Variants in VPS13B observed in about 807,000 individuals in gnomAD.
VPS13B encodes the protein vacuolar protein sorting 13 homolog B.
A neutral mutation model predicts 426.4 loss-of-function variants in VPS13B; 285 were observed. The ratio of observed to expected loss-of-function variants is 0.67; its 90% CI spans 0.61 to 0.74. VPS13B has a LOEUF of 0.74. Ranked by LOEUF, VPS13B falls within the 30% of genes least tolerant of loss-of-function variation. VPS13B has a pLI of 0.00. For missense variants in VPS13B, 4,537 were observed against 4,782.6 expected (o/e 0.95, Z 1.51); for synonymous variants, 1,676 against 1,676.4 (o/e 1.00, Z 0.01).
chr8:99,560,750 A>G (rs1249952151), intron 31 of VPS13B, among the ~76,000 whole-genome samples: 1 of 152,200 alleles, frequency 6.6e-6, no homozygotes, highest in Non-Finnish European at 1.5e-5. Flanking sequence ...AGCATCAACT[A>G]CACTAATCAT....
intron 40 of VPS13B, among the ~76,000 whole-genome samples, chr8:99,773,197 AC>A (rs1811596232): frequency 1.3e-5 from 2 of 152,184 alleles, no homozygotes; most frequent in Non-Finnish European, 2.9e-5. Flanking sequence ...AAATACAGAG[AC>A]TTAGCCAGGT....
rs780214074 is a variant in VPS13B, at chr8:99,192,961, C to G, written c.2419C>G (p.Leu807Val). Reference sequence around the variant, plus strand: ...TCAAGCTACAAGAGCACAGACACTTCTCTTGCAAGCAATATATCAAAGTTG... The same window carrying G: ...TCAAGCTACAAGAGCACAGACACTTGTCTTGCAAGCAATATATCAAAGTTG... ...TIQATRAQTL[L>V]LQAIYQSWSH... is the part of the protein sequence containing the mutation. The change falls in exon 17 of 62, where the codon CTC (leucine) becomes GTC (valine). Residue 807 changes from leucine to valine, a missense_variant. Leu to Val is a conservative substitution (Grantham distance 32). Coordinates refer to ENST00000357162, the MANE Select transcript of VPS13B (RefSeq NM_152564.5). 11 of 1,613,718 alleles carry G rather than the reference C, an allele frequency of 6.8e-6. No homozygotes were observed. The highest frequency in any genetic ancestry group is 6.8e-6 in the Non-Finnish European group (8 of 1,179,818).
At chr8:99,802,363 T>C (rs1040954381) in intron 43 of VPS13B, among the ~76,000 whole-genome samples, 1 of 152,176 alleles carries the variant, frequency 6.6e-6, no homozygotes, top group Non-Finnish European at 1.5e-5. Flanking sequence ...TTGGCTTTCA[T>C]TAGGAGGTTG....
intron 24 of VPS13B, among the ~76,000 whole-genome samples, chr8:99,469,401 C>G (rs1427711104): frequency 6.6e-6 from 1 of 151,940 alleles, no homozygotes; most frequent in Non-Finnish European, 1.5e-5. Context: ...ATCTTGAACT[C>G]CTGGCTTCAA....
chr8:99,814,777 A>G (rs1393160935), intron 44 of VPS13B, among the ~76,000 whole-genome samples: 1 of 152,212 alleles, frequency 6.6e-6, no homozygotes, highest in Non-Finnish European at 1.5e-5. Context: ...TTTAACAATA[A>G]GAGGAAAGGA....
intron 3 of VPS13B, among the ~76,000 whole-genome samples, chr8:99,080,890 C>T (rs1845415023): frequency 6.6e-6 from 1 of 152,190 alleles, no homozygotes; most frequent in Admixed American, 6.5e-5. Context: ...TCTTGTCTTA[C>T]TCAAGCCCTT....
chr8:99,556,270 T>C (rs1200642705), intron 30 of VPS13B, among the ~76,000 whole-genome samples, 180 bp from the exon 31 acceptor site: 2 of 152,142 alleles, frequency 1.3e-5, no homozygotes, highest in South Asian at 2.1e-4. Context: ...GGATATGTTT[T>C]CAAGTCATAA....
chr8:99,692,680 A>G (rs1831736503), intron 35 of VPS13B, among the ~76,000 whole-genome samples: 1 of 136,476 alleles, frequency 7.3e-6, no homozygotes, highest in Non-Finnish European at 1.5e-5. Context: ...AGAAGGCAAG[A>G]AATAACTAAA....
intron 34 of VPS13B, among the ~76,000 whole-genome samples, chr8:99,657,681 TATAG>T (rs1323691949): frequency 2.0e-5 from 3 of 152,198 alleles, no homozygotes; most frequent in Non-Finnish European, 4.4e-5. Context: ...TATATTTATC[TATAG>T]ATAGATATTT....
chr8:99,442,618 G>A lies in VPS13B; in HGVS notation c.3428G>A (p.Arg1143Gln), dbSNP rs112095679. Reference protein sequence around the residue: ...PLQEIPFVIPRPILEEGDAFP... With the variant: ...PLQEIPFVIPQPILEEGDAFP... ...CAGGAGATTCCATTTGTTATCCCAC[G>A]ACCCATCCTTGAAGAAGGTATATGT... is the stretch of plus-strand genomic sequence containing the variant. Residue 1143 changes from arginine (R) to glutamine (Q), a missense_variant, in exon 23 of 62, where the codon CGA (arginine) becomes CAA (glutamine). Arg to Gln is a conservative substitution (Grantham distance 43, BLOSUM62 1). Coordinates refer to ENST00000357162, the MANE Select transcript of VPS13B (RefSeq NM_152564.5). The A allele has an allele frequency of 1.9e-6, 3 of 1,613,674 alleles. No homozygotes were observed. Among genetic ancestry groups the A allele is most frequent in the Non-Finnish European group, 2.5e-6 (3 of 1,179,824 alleles).
intron 17 of VPS13B, among the ~76,000 whole-genome samples, chr8:99,248,542 T>C (rs998331377): frequency 7.2e-5 from 11 of 152,120 alleles, no homozygotes; most frequent in East Asian, 1.9e-4. Context: ...CATTAAAATA[T>C]GTATTAGTCC....
chr8:99,215,701 G>C (rs889409161), intron 17 of VPS13B, among the ~76,000 whole-genome samples: 2 of 152,246 alleles, frequency 1.3e-5, no homozygotes, highest in Non-Finnish European at 1.5e-5. Flanking sequence ...CCCATTCAGT[G>C]CCCAAGGTTT....
chr8:99,321,210 C>CTT (rs58817658), intron 19 of VPS13B, among the ~76,000 whole-genome samples: 8 of 93,992 alleles, frequency 8.5e-5, no homozygotes, highest in South Asian at 7.4e-4. Context: ...TTTTCTTTTT[C>CTT]TTTTTTTTTT....
chr8:99,736,370 C>G (rs1034558355), intron 39 of VPS13B, among the ~76,000 whole-genome samples: 8 of 151,932 alleles, frequency 5.3e-5, no homozygotes, highest in African/African-American at 1.9e-4. Flanking sequence ...GTCAGGAGTT[C>G]GAGACTAGCC....
At chr8:99,184,532 T>A (rs1191664757) in intron 16 of VPS13B, among the ~76,000 whole-genome samples, 1 of 152,208 alleles carries the variant, frequency 6.6e-6, no homozygotes, top group Admixed American at 6.5e-5. Flanking sequence ...TTTATTTTAG[T>A]GGTAGGCAGC....
chr8:99,431,604 A>G lies in VPS13B; in HGVS notation c.3150A>G (p.Glu1050=), dbSNP rs144920754. The G allele has an allele frequency of 1.4e-5, 23 of 1,613,430 alleles. No individual in the cohort carries two copies. The African/African-American group carries it at 2.5e-4, about 18-fold the overall frequency. Residue 1050 remains glutamate (E), a synonymous_variant, in exon 22 of 62, where the codon GAA becomes GAG. Coordinates refer to ENST00000357162, the MANE Select transcript of VPS13B (RefSeq NM_152564.5). ...LNISESCRSP[E]ERMKEFIGIV... is the part of the protein sequence containing the mutation. The stretch of plus-strand genomic sequence containing the variant: ...TATCTGAAAGCTGTAGAAGTCCTGA[A>G]GAAAGAATGAAGGAATTTATTGGAA...
rs985853073 is a variant in VPS13B at position 99,556,651 on chromosome 8, C to T, written c.4947C>T (p.Ser1649=). ...CAGCCCTTGAGTGGAATATGGCCAG[C>T]AGGTAGGAAATGATTGAGAAACTTT... ...QNPALEWNMA[S]SIRRHQERRA... is the part of the protein sequence containing the mutation. The change falls in exon 31 of 62, where the codon AGC becomes AGT. Residue 1649 remains serine (S), a splice_region_variant and synonymous_variant. Coordinates refer to ENST00000357162, the MANE Select transcript of VPS13B (RefSeq NM_152564.5). 1.1e-5 allele frequency: 18 copies of T among 1,612,444 alleles called. No individual in the cohort carries two copies. Among genetic ancestry groups the T allele is most frequent in the African/African-American group, 8.0e-5 (6 of 74,828 alleles).
At chr8:99,015,632 G>A (rs1273621474) in intron 2 of VPS13B, among the ~76,000 whole-genome samples, 4 of 151,890 alleles carry the variant, frequency 2.6e-5, no homozygotes, top group South Asian at 2.1e-4. Context: ...GGCCGGGCAC[G>A]GTGGTTCACG....
intron 39 of VPS13B, among the ~76,000 whole-genome samples, chr8:99,722,135 C>A (rs79740791): frequency 0.019 from 2,941 of 152,290 alleles, 100 homozygotes; most frequent in African/African-American, 0.068. Flanking sequence ...CCTTTAGCCA[C>A]TCTGGCCTCC....
Sources: gnomAD v4.1 joint callset for allele counts (sites outside exome capture counted in the v4.1 genomes callset) on GRCh38, gnomAD v4.1.1 for gene constraint, MANE v1.5 for transcripts, NCBI Gene and HGNC (gene_info 2026-07-23, HGNC 2026-07-21) for gene names.